The following ROBO2 variants were observed in gnomAD, a reference collection of about 807,000 sequenced individuals.
ROBO2 encodes roundabout guidance receptor 2.
ROBO2 carries 53 observed loss-of-function variants against 160.8 expected under a neutral mutation model. The observed-to-expected ratio is 0.33, with a 90% CI of 0.26 to 0.41. ROBO2 has a LOEUF of 0.41. ROBO2 is among the 10% of genes least tolerant of loss of function. The pLI is 1.00. For synonymous variants in ROBO2, 664 were observed against 611.7 expected, an observed-to-expected ratio of 1.09 and a Z score of -1.26; for missense variants, 1,577 against 1,722.4, an observed-to-expected ratio of 0.92 and a Z score of 1.49.
chr3:75,933,629 A>G (rs1272662893), intron 1 of ROBO2, among the ~76,000 whole-genome samples: 5 of 152,088 alleles, frequency 3.3e-5, no homozygotes, highest in African/African-American at 1.2e-4. Flanking sequence ...TTACCTAGTT[A>G]CAGAAGTGGA....
chr3:76,368,104 A>AT lies in ROBO2; in HGVS notation c.109+430510dup, dbSNP rs201642814. Among the ~76,000 whole-genome samples the AT allele has an allele frequency of 5.4e-3, 821 of 151,668 alleles. 6 individuals are homozygous for AT. The highest frequency in any genetic ancestry group is 0.01 in the Admixed American group (155 of 15,188). The stretch of plus-strand genomic sequence containing the variant: ...AAATCAAATACTGAAAAATTCTATC[A>AT]TTTTTTTTCCTTAGGTGTCATATCA... On this transcript the variant is annotated intron_variant, in intron 2 of 26. Coordinates refer to the ROBO2 transcript ENST00000487694.
intron 2 of ROBO2, among the ~76,000 whole-genome samples, chr3:77,023,895 A>G (rs1183048719): frequency 6.6e-6 from 1 of 152,222 alleles, no homozygotes; most frequent in Non-Finnish European, 1.5e-5. Context: ...AAAATAGCAT[A>G]ATAAAAAATC....
At chr3:77,539,693 A>G (rs956135183) in intron 6 of ROBO2, among the ~76,000 whole-genome samples, 5 of 152,168 alleles carry the variant, frequency 3.3e-5, no homozygotes, top group Non-Finnish European at 7.3e-5. Context: ...TGAAAAAAAT[A>G]TACCATTTAT....
chr3:77,642,118 T>G (rs2095358929), intron 24 of ROBO2, among the ~76,000 whole-genome samples: 2 of 152,190 alleles, frequency 1.3e-5, no homozygotes, highest in African/African-American at 4.8e-5. Flanking sequence ...TCAAGCAGAA[T>G]ATTAATTGCA....
intron 2 of ROBO2, among the ~76,000 whole-genome samples, chr3:76,142,153 T>C (rs2071694859): frequency 6.6e-6 from 1 of 152,018 alleles, no homozygotes; most frequent in Non-Finnish European, 1.5e-5. Context: ...TCAAGTGGCA[T>C]GTGATAGCAT....
chr3:76,258,643 C>T (rs1438440765), intron 2 of ROBO2, among the ~76,000 whole-genome samples: 1 of 151,906 alleles, frequency 6.6e-6, no homozygotes, highest in South Asian at 2.1e-4. Context: ...GTTCATTGAT[C>T]ATTTCTTCAT....
chr3:76,370,110 A>G (rs906866820), intron 2 of ROBO2, among the ~76,000 whole-genome samples: 6 of 151,986 alleles, frequency 3.9e-5, no homozygotes, highest in Non-Finnish European at 7.4e-5. Flanking sequence ...AGTAAAAGTC[A>G]GATATGATCC....
chr3:76,632,589 TAAATC>T (rs1288818385), intron 2 of ROBO2, among the ~76,000 whole-genome samples: 1 of 152,172 alleles, frequency 6.6e-6, no homozygotes, highest in Non-Finnish European at 1.5e-5. Flanking sequence ...CTGGAAATGA[TAAATC>T]AAGAAAAGAT....
chr3:76,934,233 C>G (rs539997124), intron 2 of ROBO2, among the ~76,000 whole-genome samples: 43 of 151,246 alleles, frequency 2.8e-4, no homozygotes, highest in African/African-American at 1.0e-3. Flanking sequence ...GATTAAACCA[C>G]TTTTTAGGTA....
chr3:76,221,926 G>T (rs1213813764), intron 2 of ROBO2, among the ~76,000 whole-genome samples: 2 of 152,144 alleles, frequency 1.3e-5, no homozygotes, highest in East Asian at 3.9e-4. Context: ...AGCACAAAAT[G>T]CTGCCACTTC....
chr3:76,572,124 C>A (rs1375012598), intron 2 of ROBO2, among the ~76,000 whole-genome samples: 2 of 152,050 alleles, frequency 1.3e-5, no homozygotes. Flanking sequence ...TCAAAGACTG[C>A]CATAAACACT....
At chr3:77,428,781 T>C (rs929298940) in intron 2 of ROBO2, among the ~76,000 whole-genome samples, 1 of 152,190 alleles carries the variant, frequency 6.6e-6, no homozygotes, top group Admixed American at 6.5e-5. Flanking sequence ...ATACTTGTAT[T>C]AGTAGTCATG....
At chr3:76,326,010 C>T (rs1576441725) in intron 2 of ROBO2, among the ~76,000 whole-genome samples, 6 of 152,214 alleles carry the variant, frequency 3.9e-5, no homozygotes, top group Middle Eastern at 3.4e-3. Flanking sequence ...ATATCAGGAA[C>T]ATTAGGCAAC....
In ROBO2 at chr3:76,817,827, CTT is replaced by C. The variant is rs78546104; in HGVS notation, c.110-280170_110-280169del. On this transcript the variant is annotated intron_variant, in intron 2 of 26. Transcript: ENST00000487694. ...TAATGCAAATGCCATTATTTCATTCCTTTTTTTTTTTTTTTTTTGGCTGAGTA... is the reference window on the plus strand; with the variant it reads ...TAATGCAAATGCCATTATTTCATTCCTTTTTTTTTTTTTTTTGGCTGAGTA... 6.9e-3 allele frequency among the ~76,000 whole-genome samples: 896 copies of C among 129,386 alleles called. 6 individuals carry two copies. Among genetic ancestry groups the C allele is most frequent in the East Asian group, 0.027 (115 of 4,316 alleles). 84.9% of individuals were successfully genotyped at this position (129,386 alleles called of 152,430 possible).
At chr3:76,851,965 TA>T (rs2148544444) in intron 2 of ROBO2, among the ~76,000 whole-genome samples, 1 of 151,934 alleles carries the variant, frequency 6.6e-6, no homozygotes, top group African/African-American at 2.4e-5. Flanking sequence ...TCATTAGGCT[TA>T]ATAGAAGGAG....
chr3:77,227,223 A>G (rs1349986870), intron 2 of ROBO2, among the ~76,000 whole-genome samples: 1 of 152,178 alleles, frequency 6.6e-6, no homozygotes, highest in East Asian at 1.9e-4. Flanking sequence ...TAAAAGCAAG[A>G]AACATGGGCT....
chr3:77,225,287 C>A (rs1231555667), intron 2 of ROBO2, among the ~76,000 whole-genome samples: 5 of 151,800 alleles, frequency 3.3e-5, no homozygotes, highest in Non-Finnish European at 7.4e-5. Context: ...CATGTTGTTT[C>A]ATTGTACTGA....
At chr3:76,679,213 T>C (rs2092491906) in intron 2 of ROBO2, among the ~76,000 whole-genome samples, 2 of 152,188 alleles carry the variant, frequency 1.3e-5, no homozygotes, top group Non-Finnish European at 2.9e-5. Context: ...ATTTGAATGT[T>C]TCTATTTTGT....
At chr3:76,155,424 G>T (rs1362196630) in intron 2 of ROBO2, among the ~76,000 whole-genome samples, 2 of 152,110 alleles carry the variant, frequency 1.3e-5, no homozygotes, top group Non-Finnish European at 2.9e-5. Flanking sequence ...GAAAAAAATG[G>T]AGAGAAACAG....
Sources: gnomAD v4.1 joint callset for allele counts (sites outside exome capture counted in the v4.1 genomes callset) on GRCh38, gnomAD v4.1.1 for gene constraint, MANE v1.5 for transcripts, NCBI Gene and HGNC (gene_info 2026-07-23, HGNC 2026-07-21) for gene names.